Variants in DHX32 observed in about 807,000 individuals in gnomAD.
DHX32 encodes the protein putative pre-mRNA-splicing factor ATP-dependent RNA helicase DHX32.
Under a neutral mutation model 70.0 loss-of-function variants are expected in DHX32, and 51 were observed. The observed-to-expected ratio is 0.73, with a 90% CI of 0.58 to 0.92. The LOEUF (loss-of-function observed/expected upper bound fraction) is 0.92, where lower values mean the gene tolerates loss of function less well. DHX32 is among the 40% of genes least tolerant of loss of function. The pLI is 0.00. For missense variants in DHX32, 762 were observed against 891.8 expected (o/e 0.85, Z 1.85); for synonymous variants, 310 against 315.3 (o/e 0.98, Z 0.18).
At chr10:125,849,604 T>A (rs1944064894) in intron 6 of DHX32, among the ~76,000 whole-genome samples, 1 of 152,140 alleles carries the variant, frequency 6.6e-6, no homozygotes, top group Admixed American at 6.6e-5. Flanking sequence ...TTTGCTCGAC[T>A]CTCTGGGCTG....
intron 1 of DHX32, among the ~76,000 whole-genome samples, chr10:125,868,047 CTAAATA>C (rs1269577774): frequency 4.6e-5 from 7 of 152,148 alleles, no homozygotes; most frequent in Admixed American, 3.3e-4. Flanking sequence ...AATTTACAAT[CTAAATA>C]TAATTAAATA....
chr10:125,841,972 A>G (rs749400147), intron 6 of DHX32, 38 bp from the exon 7 acceptor site: 59 of 1,517,502 alleles, frequency 3.9e-5, no homozygotes, highest in Non-Finnish European at 3.8e-5. Context: ...AGAGTCTCAT[A>G]TGGCTAAGAT....
chr10:125,858,379 G>A lies in DHX32; in HGVS notation c.849+1224C>T, dbSNP rs1944161853. ...TTTCTTGAATATCTTGAATCATGCAGGATGAGATGATAACAGAATAAATCA... is the reference window on the plus strand; with the variant it reads ...TTTCTTGAATATCTTGAATCATGCAAGATGAGATGATAACAGAATAAATCA... On this transcript the variant is annotated intron_variant, in intron 3 of 10. Transcript: ENST00000284690. Among the ~76,000 whole-genome samples the A allele has an allele frequency of 2.6e-5, 4 of 152,206 alleles. No individual in the cohort carries two copies. In the South Asian group the frequency reaches 6.2e-4, roughly 24 times the overall value.
chr10:125,843,320 C>T (rs1854932107), intron 6 of DHX32, among the ~76,000 whole-genome samples: 1 of 152,076 alleles, frequency 6.6e-6, no homozygotes, highest in South Asian at 2.1e-4. Context: ...GATCATTAAG[C>T]TCTATGTCTA....
In DHX32 at chr10:125,866,885, G is replaced by T; in HGVS notation, c.476+105C>A. On this transcript the variant is annotated intron_variant, in intron 2 of 10. Transcript: ENST00000284690. This position sits in a 1 kb window ranked among gnomAD's most constrained non-coding sequence, Gnocchi z 4.8. Reference sequence around the variant, plus strand: ...GACAGAGACCAGTTGCTACTGCACAGCATAGATGCTTAACAGGTAGAATGC... The same window carrying T: ...GACAGAGACCAGTTGCTACTGCACATCATAGATGCTTAACAGGTAGAATGC... The T allele has an allele frequency of 1.6e-6, 2 of 1,273,638 alleles. No individual in the cohort carries two copies. Among genetic ancestry groups the T allele is most frequent in the Non-Finnish European group, 1.1e-6 (1 of 907,956 alleles). The allele number at this position is 1,273,638 out of a possible 1,614,324, so 78.9% of individuals were successfully genotyped here.
At chr10:125,842,040 A>G (rs978595503) in intron 6 of DHX32, 106 bp from the exon 7 acceptor site, 3 of 1,350,300 alleles carry the variant, frequency 2.2e-6, no homozygotes, top group Admixed American at 3.3e-5. Context: ...AATGGACAAA[A>G]TATGTGAAAC....
At chr10:125,854,733 A>T (rs938259151) in intron 3 of DHX32, 4 of 152,434 alleles carry the variant, frequency 2.6e-5, no homozygotes, top group African/African-American at 9.6e-5. Context: ...GTACACAGGT[A>T]CGGTCCCTTG....
chr10:125,859,170 T>C (rs1944168922), intron 3 of DHX32, among the ~76,000 whole-genome samples: 1 of 152,128 alleles, frequency 6.6e-6, no homozygotes, highest in African/African-American at 2.4e-5. Flanking sequence ...TGGGAAATGT[T>C]GTGTTACTTA....
intron 2 of DHX32, among the ~76,000 whole-genome samples, chr10:125,860,493 TATC>T (rs1944179803): frequency 6.6e-6 from 1 of 152,204 alleles, no homozygotes; most frequent in Non-Finnish European, 1.5e-5. Context: ...TGAGAGATGA[TATC>T]ATTAAGATGT....
At chr10:125,859,370 G>A (rs1192093365) in intron 3 of DHX32, among the ~76,000 whole-genome samples, 2 of 152,170 alleles carry the variant, frequency 1.3e-5, no homozygotes, top group Admixed American at 6.5e-5. Context: ...CTGGAGGGAA[G>A]TTGGCTCTGG....
Position 125,852,397 on chromosome 10 carries a change from A to G in DHX32, c.1247T>C (p.Leu416Pro), listed in dbSNP as rs752286553. 6.2e-7 allele frequency: 1 copy of G among 1,614,226 alleles called. No individual in the cohort carries two copies. Among genetic ancestry groups the G allele is most frequent in the Non-Finnish European group, 8.5e-7 (1 of 1,180,038 alleles). Residue 416 changes from leucine to proline, a missense_variant, in exon 6 of 11, where the codon CTG (leucine) becomes CCG (proline). Transcript: ENST00000284690. ...EEFASKDMTP[L>P]KPAEMQEANL... ...GGCTTCCTGCATTTCTGCTGGCTTCAGTGGCGTCATGTCTTTGGAGGCAAA... is the reference window on the plus strand; with the variant it reads ...GGCTTCCTGCATTTCTGCTGGCTTCGGTGGCGTCATGTCTTTGGAGGCAAA...
At chr10:125,861,733 T>C (rs192404659) in intron 2 of DHX32, among the ~76,000 whole-genome samples, 8 of 152,352 alleles carry the variant, frequency 5.3e-5, no homozygotes, top group African/African-American at 1.9e-4. Context: ...GCTCGTGAGC[T>C]TGCGCCTGGG....
At chr10:125,895,820 G>A (rs113224048) in intron 1 of DHX32, among the ~76,000 whole-genome samples, 1 of 150,006 alleles carries the variant, frequency 6.7e-6, no homozygotes, top group Non-Finnish European at 1.5e-5. Flanking sequence ...GCAAAGCCGG[G>A]CAAAACCGTG....
intron 9 of DHX32, 104 bp downstream of exon 9, chr10:125,838,897 T>A (rs1854783091): frequency 1.6e-6 from 2 of 1,289,398 alleles, no homozygotes; most frequent in Admixed American, 4.7e-5. Context: ...GATTTTTAGT[T>A]TTACTTAATG....
intron 10 of DHX32, 103 bp from the exon 11 acceptor site, chr10:125,836,958 A>G: frequency 1.0e-6 from 1 of 952,858 alleles, no homozygotes. Context: ...ATCTACCTGT[A>G]GAACCGGTAT....
chr10:125,844,824 A>G (rs1943991101), intron 6 of DHX32, among the ~76,000 whole-genome samples: 1 of 152,236 alleles, frequency 6.6e-6, no homozygotes, highest in Admixed American at 6.5e-5. Flanking sequence ...GAGATGAACC[A>G]AACATCATCT....
chr10:125,874,525 G>C (rs1299439161), intron 1 of DHX32, among the ~76,000 whole-genome samples: 1 of 152,148 alleles, frequency 6.6e-6, no homozygotes, highest in African/African-American at 2.4e-5. Context: ...TAAAACTCAA[G>C]AAGTAGATTA....
chr10:125,853,849 C>G (rs1944122474), intron 4 of DHX32, 112 bp downstream of exon 4: 1 of 1,354,154 alleles, frequency 7.4e-7, no homozygotes, highest in Admixed American at 2.4e-5. Flanking sequence ...TTCAACGAAT[C>G]CCCAGGTCAC....
intron 1 of DHX32, among the ~76,000 whole-genome samples, chr10:125,880,195 T>C (rs905883472): frequency 1.3e-5 from 2 of 152,194 alleles, no homozygotes; most frequent in Non-Finnish European, 2.9e-5. Flanking sequence ...TTAATCCCCA[T>C]ACCCATGCTG....
Sources: gnomAD v4.1 joint callset for allele counts (sites outside exome capture counted in the v4.1 genomes callset) on GRCh38, gnomAD v4.1.1 for gene constraint, Gnocchi (gnomAD v3.1) non-coding constraint, MANE v1.5 for transcripts, NCBI Gene and HGNC (gene_info 2026-07-23, HGNC 2026-07-21) for gene names.